LRP12: variants seen among roughly 807,000 people sequenced by gnomAD.
The protein encoded by LRP12 is LDL receptor related protein 12.
Under a neutral mutation model 66.0 loss-of-function variants are expected in LRP12, and 14 were observed. The ratio of observed to expected loss-of-function variants is 0.21; its 90% CI spans 0.14 to 0.33. The LOEUF (loss-of-function observed/expected upper bound fraction) is 0.33, where lower values mean the gene tolerates loss of function less well. Among genes scored for constraint, LRP12 ranks in the 10% least tolerant of loss-of-function variants. The pLI is 1.00. For missense variants in LRP12, 889 were observed against 1,053.4 expected (o/e 0.84, Z 2.16); for synonymous variants, 357 against 359.1 (o/e 0.99, Z 0.07).
At chr8:104,560,414 G>C (rs903399640) in intron 1 of LRP12, among the ~76,000 whole-genome samples, 1 of 152,000 alleles carries the variant, frequency 6.6e-6, no homozygotes, top group Non-Finnish European at 1.5e-5. Flanking sequence ...TGCTTACATT[G>C]ACAAAGAAAC....
chr8:104,541,254 C>T (rs531820531), intron 1 of LRP12, among the ~76,000 whole-genome samples: 1 of 152,280 alleles, frequency 6.6e-6, no homozygotes, highest in East Asian at 1.9e-4. Flanking sequence ...GATCTTTATG[C>T]ACCCTACTGC....
Position 104,498,223 on chromosome 8 carries a change from TATTTTA to T in LRP12, c.476-153_476-148del, listed in dbSNP as rs554279981. On this transcript the variant is annotated intron_variant, in intron 4 of 6. Coordinates refer to ENST00000276654, the MANE Select transcript of LRP12 (RefSeq NM_013437.5). Reference sequence around the variant, plus strand: ...TTTAAAAAACAGGTTGGTTTTTTAATATTTTAATTTTAAGTTCCAGGGTACATGTGC... The same window carrying T: ...TTTAAAAAACAGGTTGGTTTTTTAATATTTTAAGTTCCAGGGTACATGTGC... 7.7e-4 allele frequency: 606 copies of T among 784,730 alleles called. 2 individuals carry two copies. Among genetic ancestry groups the T allele is most frequent in the African/African-American group, 5.8e-3 (332 of 57,030 alleles). 48.6% of individuals were successfully genotyped at this position (784,730 alleles called of 1,614,324 possible).
chr8:104,548,325 TA>T (rs1564142142), intron 1 of LRP12, among the ~76,000 whole-genome samples: 2 of 12,408 alleles, frequency 1.6e-4, no homozygotes, highest in African/African-American at 1.1e-3. Flanking sequence ...AAATATATAA[TA>T]TATATTATAT....
In LRP12 at chr8:104,528,273, G is replaced by A. The variant is rs549313943; in HGVS notation, c.136+3634C>T. Among the ~76,000 whole-genome samples, 3 of 152,252 alleles carry A rather than the reference G, an allele frequency of 2.0e-5. No individual in the cohort carries two copies. In the South Asian group the frequency reaches 6.2e-4, roughly 32 times the overall value. Reference sequence around the variant, plus strand: ...AGCAGGGGAAGAGCAGAAATAGATGGCAGCACAGAATACTGAAGCATCTCA... The same window carrying A: ...AGCAGGGGAAGAGCAGAAATAGATGACAGCACAGAATACTGAAGCATCTCA... On this transcript the variant is annotated intron_variant, in intron 2 of 6. Transcript: ENST00000276654.
rs141153094 is a variant in LRP12 at position 104,537,404 on chromosome 8, A to G, written c.80-5441T>C. Among the ~76,000 whole-genome samples, 509 of 152,290 alleles carry G rather than the reference A, an allele frequency of 3.3e-3. 1 individual carries two copies. The highest frequency in any genetic ancestry group is 6.0e-3 in the Non-Finnish European group (411 of 68,002). On this transcript the variant is annotated intron_variant, in intron 1 of 6. Transcript: ENST00000276654. ...CTGCACATGTGTAAGGTGACACCAT[A>G]TAAGAATAGGCAAAGAACTACCACT...
At chr8:104,519,832 T>C (rs1209468171) in intron 2 of LRP12, among the ~76,000 whole-genome samples, 3 of 152,074 alleles carry the variant, frequency 2.0e-5, no homozygotes, top group East Asian at 1.9e-4. Flanking sequence ...TTAGTACCGA[T>C]ATTTAAGACT....
intron 2 of LRP12, among the ~76,000 whole-genome samples, chr8:104,511,704 G>T (rs1811000111): frequency 6.6e-6 from 1 of 152,056 alleles, no homozygotes; most frequent in Non-Finnish European, 1.5e-5. Context: ...AAGAAAACAT[G>T]CAATCAAAGC....
Position 104,491,262 on chromosome 8 carries a change from A to T in LRP12, c.1991T>A (p.Met664Lys), listed in dbSNP as rs1167824050. Residue 664 changes from methionine (M) to lysine (K), a missense_variant, in exon 7 of 7, where the codon ATG (methionine) becomes AAG (lysine). Physicochemically the swap from Met to Lys is moderately conservative, Grantham distance 95 (BLOSUM62 -1). Transcript: ENST00000276654. ...TGCAACCCCACCAGATGCTCCTGCC[A>T]TATCTCTTCTCTCATTTTCTGTGTC... is the stretch of plus-strand genomic sequence containing the variant. ...DTDTENERRD[M>K]AGASGGVAAP... The T allele has an allele frequency of 6.2e-7, 1 of 1,613,980 alleles. No individual in the cohort carries two copies. Among genetic ancestry groups the T allele is most frequent in the Admixed American group, 1.7e-5 (1 of 59,990 alleles).
intron 1 of LRP12, among the ~76,000 whole-genome samples, chr8:104,550,166 C>A (rs1223557683): frequency 1.3e-5 from 2 of 152,054 alleles, no homozygotes; most frequent in African/African-American, 2.4e-5. Flanking sequence ...TCTTACAGCA[C>A]CCCTCTAAAA....
intron 1 of LRP12, among the ~76,000 whole-genome samples, chr8:104,535,149 T>A (rs1811377180): frequency 6.6e-6 from 1 of 151,994 alleles, no homozygotes; most frequent in South Asian, 2.1e-4. Flanking sequence ...AAAGTTTGAT[T>A]ATCACCTAAA....
At chr8:104,547,734 T>A (rs1454508305) in intron 1 of LRP12, among the ~76,000 whole-genome samples, 3 of 125,148 alleles carry the variant, frequency 2.4e-5, no homozygotes, top group African/African-American at 9.7e-5. Context: ...ATATTTTGTA[T>A]ATAATATATA....
chr8:104,493,484 C>A (rs897118951), intron 6 of LRP12, among the ~76,000 whole-genome samples: 3 of 152,050 alleles, frequency 2.0e-5, no homozygotes, highest in Non-Finnish European at 2.9e-5. Context: ...TCACCCAAAG[C>A]CTCTGTCCTT....
chr8:104,574,373 A>C (rs1311814950), intron 1 of LRP12, among the ~76,000 whole-genome samples: 3 of 152,220 alleles, frequency 2.0e-5, no homozygotes, highest in African/African-American at 7.2e-5. Context: ...CTGCGACCCG[A>C]AAGTTTGGAA....
At chr8:104,510,300 A>T (rs67403507) in intron 2 of LRP12, among the ~76,000 whole-genome samples, 36,687 of 152,036 alleles carry the variant, frequency 0.24, 4,503 homozygotes, top group Middle Eastern at 0.31. Context: ...AATTTATTCC[A>T]TTAATACTTC....
chr8:104,588,748 C>T, intron 1 of LRP12, 71 bp downstream of exon 1: 1 of 1,393,722 alleles, frequency 7.2e-7, no homozygotes, highest in South Asian at 1.2e-5. Context: ...GAACCCCCGT[C>T]CTGGAGGCCT....
chr8:104,516,592 G>A (rs903805589), intron 2 of LRP12, among the ~76,000 whole-genome samples: 10 of 152,024 alleles, frequency 6.6e-5, no homozygotes, highest in African/African-American at 2.4e-4. Context: ...GTTAACTGAT[G>A]AAACACTGAA....
intron 1 of LRP12, among the ~76,000 whole-genome samples, chr8:104,543,839 C>T (rs538878045): frequency 6.6e-5 from 10 of 152,160 alleles, no homozygotes; most frequent in African/African-American, 2.4e-4. Flanking sequence ...GTAGAATCAC[C>T]TGAACCTGCG....
intron 3 of LRP12, among the ~76,000 whole-genome samples, chr8:104,501,532 C>T (rs1425592943): frequency 3.3e-5 from 5 of 151,904 alleles, no homozygotes; most frequent in Admixed American, 6.6e-5. Context: ...GGTGAAACCC[C>T]GTCTCTACTG....
intron 1 of LRP12, among the ~76,000 whole-genome samples, chr8:104,546,709 A>C (rs1181969452): frequency 6.6e-6 from 1 of 151,682 alleles, no homozygotes; most frequent in African/African-American, 2.4e-5. Context: ...AAAAAAAATT[A>C]GTATCTGTGT....
Sources: gnomAD v4.1 joint callset for allele counts (sites outside exome capture counted in the v4.1 genomes callset) on GRCh38, gnomAD v4.1.1 for gene constraint, MANE v1.5 for transcripts, NCBI Gene and HGNC (gene_info 2026-07-23, HGNC 2026-07-21) for gene names.